Variants in MBNL1 observed in about 807,000 individuals in gnomAD.
The protein encoded by MBNL1 is muscleblind-like protein 1.
A neutral mutation model predicts 42.2 loss-of-function variants in MBNL1; 8 were observed. That is an observed-to-expected ratio of 0.19 (90% CI 0.11 to 0.34). MBNL1 has a LOEUF of 0.34. Ranked by LOEUF, MBNL1 falls within the 10% of genes least tolerant of loss-of-function variation. MBNL1 has a pLI of 1.00. For synonymous variants in MBNL1, 169 were observed against 173.9 expected, an observed-to-expected ratio of 0.97 and a Z score of 0.22; for missense variants, 309 against 495.3, an observed-to-expected ratio of 0.62 and a Z score of 3.57.
At chr3:152,323,448 TACACACACGTGCGTGCAC>T (rs1036157026) in intron 2 of MBNL1, among the ~76,000 whole-genome samples, 3 of 152,110 alleles carry the variant, frequency 2.0e-5, no homozygotes, top group African/African-American at 7.2e-5. Context: ...AATATATATG[TACACACACGTGCGTGCAC>T]ACACACACAC....
intron 4 of MBNL1, among the ~76,000 whole-genome samples, chr3:152,438,016 G>A (rs1253569229): frequency 6.6e-6 from 1 of 152,034 alleles, no homozygotes; most frequent in African/African-American, 2.4e-5. Context: ...CCAGGATTAT[G>A]TTAAGAAATT....
At chr3:152,345,518 T>C (rs1199358330) in intron 2 of MBNL1, among the ~76,000 whole-genome samples, 1 of 152,186 alleles carries the variant, frequency 6.6e-6, no homozygotes, top group African/African-American at 2.4e-5. Context: ...ATGCATTTTT[T>C]AAAGCATCTT....
rs889577169 is a variant in MBNL1 at position 152,464,483 on chromosome 3, G to A, written c.*2117G>A. ...AAGTTGTTGCTATCGCAACAATCCTGGCAGACAATTGAGTAATATTTTGAT... is the reference window on the plus strand; with the variant it reads ...AAGTTGTTGCTATCGCAACAATCCTAGCAGACAATTGAGTAATATTTTGAT... On this transcript the variant is annotated 3_prime_UTR_variant, in exon 10 of 10. Coordinates refer to ENST00000324210, the MANE Select transcript of MBNL1 (RefSeq NM_021038.5). 6.6e-6 allele frequency: 1 copy of A among 152,456 alleles called. No individual in the cohort carries two copies. Among genetic ancestry groups the A allele is most frequent in the Non-Finnish European group, 1.5e-5 (1 of 67,968 alleles). 9.4% of individuals were successfully genotyped at this position (152,456 alleles called of 1,614,324 possible).
At chr3:152,295,146 C>A (rs918031271) in intron 1 of MBNL1, among the ~76,000 whole-genome samples, 6 of 152,150 alleles carry the variant, frequency 3.9e-5, no homozygotes, top group African/African-American at 1.4e-4. Context: ...ATGTCCTTTA[C>A]AATTAAATGG....
At chr3:152,283,996 A>G (rs2050085268) in intron 1 of MBNL1, among the ~76,000 whole-genome samples, 1 of 152,008 alleles carries the variant, frequency 6.6e-6, no homozygotes, top group Non-Finnish European at 1.5e-5. Context: ...ATATATAGTT[A>G]TTTGTGTGTT....
At position 152,299,543 on chromosome 3, in the gene MBNL1, C is replaced by T. The variant is rs1232830315; in HGVS notation, c.-651C>T. The stretch of plus-strand genomic sequence containing the variant: ...CCCTCCACCTCTAGCCCAGACACCC[C>T]CATTTCTACTTATAATCAAGAGAAA... On this transcript the variant is annotated 5_prime_UTR_variant, in exon 2 of 10. Transcript: ENST00000324210. 7 of 394,184 alleles carry T rather than the reference C, an allele frequency of 1.8e-5. No homozygotes were observed. Among genetic ancestry groups the T allele is most frequent in the Non-Finnish European group, 2.7e-5 (6 of 223,682 alleles). The allele number at this position is 394,184 out of a possible 1,614,324, so 24.4% of individuals were successfully genotyped here.
At chr3:152,374,770 T>C (rs965914077) in intron 2 of MBNL1, among the ~76,000 whole-genome samples, 3 of 152,210 alleles carry the variant, frequency 2.0e-5, no homozygotes, top group African/African-American at 7.2e-5. Context: ...ACATGGCATG[T>C]ATAAATTGCC....
At chr3:152,346,881 T>TA (rs35680881) in intron 2 of MBNL1, among the ~76,000 whole-genome samples, 43,524 of 141,650 alleles carry the variant, frequency 0.31, 6,806 homozygotes, top group East Asian at 0.46. Flanking sequence ...TCACTTTAAT[T>TA]AAAAAAAAAA....
intron 3 of MBNL1, among the ~76,000 whole-genome samples, chr3:152,424,367 A>C (rs958103278): frequency 3.3e-5 from 5 of 152,088 alleles, no homozygotes; most frequent in African/African-American, 1.2e-4. Flanking sequence ...AATTTACGAG[A>C]GATATGAAGG....
intron 1 of MBNL1, among the ~76,000 whole-genome samples, chr3:152,291,215 T>G (rs140233498): frequency 9.8e-5 from 15 of 152,324 alleles, no homozygotes; most frequent in Admixed American, 2.0e-4. Flanking sequence ...AAATACTTCC[T>G]CTTTGAATAG....
chr3:152,315,839 C>T (rs549922999), intron 2 of MBNL1, among the ~76,000 whole-genome samples: 9 of 142,246 alleles, frequency 6.3e-5, no homozygotes, highest in Admixed American at 2.2e-4. Flanking sequence ...ATAGTGAAAG[C>T]GTGTGAACAC....
At position 152,446,624 on chromosome 3, in the gene MBNL1, A is replaced by T. The variant is rs529917768; in HGVS notation, c.808-996A>T. The T allele has an allele frequency of 2.0e-5, 21 of 1,043,694 alleles. No individual in the cohort carries two copies. In the South Asian group the frequency reaches 2.6e-4, roughly 13 times the overall value. 64.7% of individuals were successfully genotyped at this position (1,043,694 alleles called of 1,614,324 possible). A position where few individuals can be genotyped will look rare whatever the true frequency, so the allele number is the denominator to read the frequency against. ...AAATGCACTGCTGCCCCCATGATGC[A>T]CCTCTGCTTGCTGTTTATGTTAATG... On this transcript the variant is annotated intron_variant, in intron 5 of 9. Transcript: ENST00000324210.
chr3:152,429,180 G>A (rs2098974397), intron 3 of MBNL1, among the ~76,000 whole-genome samples: 3 of 152,174 alleles, frequency 2.0e-5, no homozygotes, highest in South Asian at 4.1e-4. Flanking sequence ...AAAGCACTCA[G>A]CATGATGCTG....
intron 2 of MBNL1, chr3:152,338,327 C>G (rs2091887959): frequency 2.0e-6 from 2 of 985,400 alleles, no homozygotes; most frequent in African/African-American, 3.5e-5. Flanking sequence ...TCTCCACTTC[C>G]TTAGCCCTGT....
intron 2 of MBNL1, among the ~76,000 whole-genome samples, chr3:152,318,998 G>C (rs1354432881): frequency 2.0e-5 from 3 of 151,996 alleles, no homozygotes; most frequent in Non-Finnish European, 4.4e-5. Flanking sequence ...TAGCATTTTT[G>C]AAGTAGCTTG....
chr3:152,432,750 A>G lies in MBNL1; in HGVS notation c.379A>G (p.Asn127Asp), dbSNP rs779303854. The change falls in exon 4 of 10, where the codon AAT becomes GAT. Residue 127 changes from asparagine to aspartate, a missense_variant. Transcript: ENST00000324210. ...MFSVAPSLAT[N>D]ASAAAFNPYL... ...TTCAGTTGCACCAAGCTTAGCCACC[A>G]ATGCATCAGCAGCCGCCTTTAATCC... The G allele has an allele frequency of 6.2e-7, 1 of 1,614,102 alleles. No homozygotes were observed. The highest frequency in any genetic ancestry group is 8.5e-7 in the Non-Finnish European group (1 of 1,180,040).
At chr3:152,425,046 A>G (rs555257068) in intron 3 of MBNL1, among the ~76,000 whole-genome samples, 1 of 152,352 alleles carries the variant, frequency 6.6e-6, no homozygotes, top group Non-Finnish European at 1.5e-5. Flanking sequence ...AACAAAAGCC[A>G]AAATTGACAA....
intron 2 of MBNL1, among the ~76,000 whole-genome samples, chr3:152,354,291 A>G (rs1002942347): frequency 3.3e-5 from 5 of 152,144 alleles, no homozygotes; most frequent in African/African-American, 9.7e-5. Flanking sequence ...CCTGTCTCTA[A>G]AAATAATAAT....
At chr3:152,279,217 A>G (rs1416827236) in intron 1 of MBNL1, among the ~76,000 whole-genome samples, 1 of 152,128 alleles carries the variant, frequency 6.6e-6, no homozygotes, top group African/African-American at 2.4e-5. Flanking sequence ...GTGATAGTAG[A>G]CAATGAATGA....
Sources: allele counts gnomAD v4.1 joint callset (sites outside exome capture counted in the v4.1 genomes callset), GRCh38; gene constraint gnomAD v4.1.1; transcripts MANE v1.5; gene names NCBI Gene and HGNC (gene_info 2026-07-23, HGNC 2026-07-21).